PTPRT: variants seen among roughly 807,000 people sequenced by gnomAD.
PTPRT encodes receptor-type tyrosine-protein phosphatase T.
PTPRT carries 56 observed loss-of-function variants against 176.8 expected under a neutral mutation model. The ratio of observed to expected loss-of-function variants is 0.32; its 90% CI spans 0.26 to 0.40. The LOEUF (loss-of-function observed/expected upper bound fraction) is 0.40, where lower values mean the gene tolerates loss of function less well. PTPRT is among the 10% of genes least tolerant of loss of function. The pLI is 1.00. For synonymous variants in PTPRT, 783 were observed against 739.0 expected (o/e 1.06, Z -0.96); for missense variants, 1,540 against 1,908.2 (o/e 0.81, Z 3.60).
intron 9 of PTPRT, among the ~76,000 whole-genome samples, chr20:42,423,342 C>T (rs930151380): frequency 1.2e-4 from 19 of 152,110 alleles, no homozygotes; most frequent in African/African-American, 4.6e-4. Flanking sequence ...TATCAGGCCC[C>T]AGGGAATGAC....
At chr20:42,930,818 G>A (rs1221098858) in intron 1 of PTPRT, among the ~76,000 whole-genome samples, 2 of 152,070 alleles carry the variant, frequency 1.3e-5, no homozygotes, top group Admixed American at 6.5e-5. Flanking sequence ...TCTCTATTAT[G>A]AAACAAAACT....
chr20:42,350,602 G>A, intron 11 of PTPRT, 26 bp downstream of exon 11: 2 of 1,540,412 alleles, frequency 1.3e-6, no homozygotes, highest in Non-Finnish European at 1.8e-6. Flanking sequence ...AAAAACTGCA[G>A]ACTCCAAGTG....
At chr20:42,344,978 C>T (rs1349603605) in intron 11 of PTPRT, among the ~76,000 whole-genome samples, 1 of 152,082 alleles carries the variant, frequency 6.6e-6, no homozygotes, top group Non-Finnish European at 1.5e-5. Context: ...ATTTAAGCAA[C>T]ACTGCCTCCA....
intron 6 of PTPRT, chr20:42,688,442 G>A (rs148967465): frequency 6.6e-6 from 1 of 152,060 alleles, no homozygotes; most frequent in Non-Finnish European, 1.5e-5. Context: ...TGTTACCCCA[G>A]CCCCAGGTGT....
chr20:42,956,039 G>A (rs1419063403), intron 1 of PTPRT, among the ~76,000 whole-genome samples: 2 of 152,214 alleles, frequency 1.3e-5, no homozygotes, highest in East Asian at 3.9e-4. Context: ...TTGGTTCCTG[G>A]CCCTCTGGTT....
Position 42,530,118 on chromosome 20 carries a change from A to G in PTPRT, c.1154-57556T>C, listed in dbSNP as rs189616442. Among the ~76,000 whole-genome samples the G allele has an allele frequency of 3.3e-3, 495 of 152,298 alleles. 2 individuals are homozygous for G. The highest frequency in any genetic ancestry group is 5.1e-3 in the Non-Finnish European group (345 of 68,036). ...TTGCTTCTAGCTATTAGTTGATTTC[A>G]TCTATCTTGAGAAAAGAGAAGGCTT... On this transcript the variant is annotated intron_variant, in intron 7 of 30. Coordinates refer to ENST00000373187, the MANE Select transcript of PTPRT (RefSeq NM_007050.6).
chr20:42,143,851 G>C (rs1263614862), intron 17 of PTPRT, among the ~76,000 whole-genome samples: 1 of 152,180 alleles, frequency 6.6e-6, no homozygotes, highest in Non-Finnish European at 1.5e-5. Context: ...TGGGCAACTG[G>C]GGCCTAATCC....
At chr20:42,348,928 T>C (rs1021320479) in intron 11 of PTPRT, among the ~76,000 whole-genome samples, 7 of 152,204 alleles carry the variant, frequency 4.6e-5, no homozygotes, top group Non-Finnish European at 1.5e-5. Flanking sequence ...TATAAGCTTG[T>C]TAAGTAGACA....
rs184629576 is a variant in PTPRT, at chr20:42,820,084, G to A, written c.215-28618C>T. Among the ~76,000 whole-genome samples the A allele has an allele frequency of 8.5e-5, 13 of 152,272 alleles. No homozygotes were observed. In the East Asian group the frequency reaches 9.6e-4, roughly 11 times the overall value. On this transcript the variant is annotated intron_variant, in intron 2 of 30. Transcript: ENST00000373187. ...CAAGTGGACCTAGTAGACGTCTATAGAATTCTCTACACCAAAATCAACAGA... is the reference window on the plus strand; with the variant it reads ...CAAGTGGACCTAGTAGACGTCTATAAAATTCTCTACACCAAAATCAACAGA...
At chr20:42,656,097 G>A (rs1463788797) in intron 7 of PTPRT, among the ~76,000 whole-genome samples, 1 of 152,118 alleles carries the variant, frequency 6.6e-6, no homozygotes, top group Non-Finnish European at 1.5e-5. Context: ...TAAAAATAAA[G>A]CTGACATGCA....
intron 2 of PTPRT, among the ~76,000 whole-genome samples, chr20:42,828,179 A>G (rs2078027851): frequency 6.6e-6 from 1 of 152,200 alleles, no homozygotes; most frequent in African/African-American, 2.4e-5. Flanking sequence ...GTCCAGGTTG[A>G]GATGGTCTCA....
chr20:42,462,698 C>T (rs550827073), intron 8 of PTPRT, among the ~76,000 whole-genome samples: 63 of 152,162 alleles, frequency 4.1e-4, no homozygotes, highest in Admixed American at 6.5e-4. Flanking sequence ...CCAGGGCAAA[C>T]GGAAATTTTG....
At chr20:43,170,139 T>C (rs891418917) in intron 1 of PTPRT, among the ~76,000 whole-genome samples, 2 of 151,652 alleles carry the variant, frequency 1.3e-5, no homozygotes, top group African/African-American at 2.4e-5. Context: ...ACTCTTAAAT[T>C]AGGAATTTCC....
chr20:42,587,919 T>G (rs1292544236), intron 7 of PTPRT, among the ~76,000 whole-genome samples: 2 of 152,290 alleles, frequency 1.3e-5, no homozygotes, highest in East Asian at 3.9e-4. Flanking sequence ...ATTAGATGCC[T>G]TCTGAAGAAA....
intron 27 of PTPRT, among the ~76,000 whole-genome samples, chr20:42,098,150 A>G (rs1047174960): frequency 2.6e-5 from 4 of 152,262 alleles, no homozygotes; most frequent in Admixed American, 6.5e-5. Flanking sequence ...ACAATAATCA[A>G]TGCTTGTGAG....
intron 6 of PTPRT, among the ~76,000 whole-genome samples, chr20:42,700,762 T>A (rs1431680455): frequency 6.6e-6 from 1 of 152,112 alleles, no homozygotes; most frequent in East Asian, 1.9e-4. Context: ...CTCAGAACCC[T>A]CATCTAGGGG....
intron 6 of PTPRT, among the ~76,000 whole-genome samples, chr20:42,693,201 G>A (rs2075818965): frequency 6.6e-6 from 1 of 152,112 alleles, no homozygotes; most frequent in Non-Finnish European, 1.5e-5. Context: ...AGACATTACT[G>A]GGATACATTT....
chr20:42,828,882 G>A (rs2078041063), intron 2 of PTPRT, among the ~76,000 whole-genome samples: 1 of 152,198 alleles, frequency 6.6e-6, no homozygotes, highest in Non-Finnish European at 1.5e-5. Flanking sequence ...CTAGGACAGT[G>A]CAGAAGGGAA....
At chr20:42,747,762 A>T (rs182229969) in intron 6 of PTPRT, among the ~76,000 whole-genome samples, 182 of 152,314 alleles carry the variant, frequency 1.2e-3, no homozygotes, top group African/African-American at 4.2e-3. Flanking sequence ...TAAGAGGGCA[A>T]ATATGGGGGT....
Sources: allele counts gnomAD v4.1 joint callset (sites outside exome capture counted in the v4.1 genomes callset), GRCh38; gene constraint gnomAD v4.1.1; transcripts MANE v1.5; gene names NCBI Gene and HGNC (gene_info 2026-07-23, HGNC 2026-07-21).